Variants in EYA3 observed in about 807,000 individuals in gnomAD.
The protein encoded by EYA3 is EYA transcriptional coactivator and phosphatase 3.
Under a neutral mutation model 80.0 loss-of-function variants are expected in EYA3, and 39 were observed. That is an observed-to-expected ratio of 0.49 (90% CI 0.38 to 0.64). The LOEUF (loss-of-function observed/expected upper bound fraction) is 0.64, where lower values mean the gene tolerates loss of function less well. Ranked by LOEUF, EYA3 falls within the 30% of genes least tolerant of loss-of-function variation. The pLI is 0.00. For missense variants in EYA3, 523 were observed against 676.1 expected, an observed-to-expected ratio of 0.77 and a Z score of 2.51; for synonymous variants, 206 against 232.8, an observed-to-expected ratio of 0.88 and a Z score of 1.05.
intron 2 of EYA3, among the ~76,000 whole-genome samples, chr1:28,049,704 T>C (rs1644167623): frequency 6.6e-6 from 1 of 152,184 alleles, no homozygotes; most frequent in Non-Finnish European, 1.5e-5. Flanking sequence ...GAGGGAAATA[T>C]GATCTGACCT....
chr1:28,065,942 G>A lies in EYA3; in HGVS notation c.-68-7848C>T, dbSNP rs369327961. The stretch of plus-strand genomic sequence containing the variant: ...TGCTTGAACCAGGACCCGGGAGGCG[G>A]AGGTTGCAGTGAGCTGAGATCACGC... On this transcript the variant is annotated intron_variant, in intron 1 of 17. Coordinates refer to ENST00000373871, the MANE Select transcript of EYA3 (RefSeq NM_001990.4). 1.8e-4 allele frequency among the ~76,000 whole-genome samples: 27 copies of A among 151,926 alleles called. No homozygotes were observed. In the South Asian group the frequency reaches 5.4e-3, roughly 30 times the overall value.
intron 10 of EYA3, among the ~76,000 whole-genome samples, chr1:28,005,477 C>A (rs1407007151): frequency 1.3e-5 from 2 of 152,098 alleles, no homozygotes; most frequent in Non-Finnish European, 2.9e-5. Flanking sequence ...ACTGTGAGAG[C>A]CTGAAGCAGG....
At position 27,988,607 on chromosome 1, in the gene EYA3, G is replaced by T; in HGVS notation, c.1468C>A (p.Leu490Met). The change falls in exon 16 of 18, where the codon CTG (leucine) becomes ATG (methionine). Residue 490 changes from leucine (L) to methionine (M), a missense_variant. Physicochemically the swap from Leu to Met is conservative, Grantham distance 15 (BLOSUM62 2). Around this residue, in one of 2 missense-constraint regions of EYA3, gnomAD observed 219 missense variants for 332.8 expected, o/e 0.66. Coordinates refer to ENST00000373871, the MANE Select transcript of EYA3 (RefSeq NM_001990.4). ...AGTCCATATAGGAGAACCTTGGCCA[G>T]GGCTGGAACCAGCTGGGTGGTAGTG... ...LITTTQLVPA[L>M]AKVLLYGLGE... 1.2e-6 allele frequency: 2 copies of T among 1,614,148 alleles called. No homozygotes were observed. The highest frequency in any genetic ancestry group is 1.7e-6 in the Non-Finnish European group (2 of 1,180,014).
chr1:28,033,694 G>A (rs955306457), intron 6 of EYA3, among the ~76,000 whole-genome samples: 13 of 146,858 alleles, frequency 8.9e-5, no homozygotes, highest in South Asian at 2.1e-4. Context: ...TTGCTCTGTC[G>A]CCCAGGCTGG....
At chr1:27,999,779 T>C (rs1051580783) in intron 12 of EYA3, among the ~76,000 whole-genome samples, 181 bp downstream of exon 12, 1 of 152,208 alleles carries the variant, frequency 6.6e-6, no homozygotes, top group Admixed American at 6.5e-5. Context: ...GAACCAAAAC[T>C]GTGGTGACCC....
At chr1:28,077,648 C>A (rs1645271157) in intron 1 of EYA3, among the ~76,000 whole-genome samples, 1 of 151,488 alleles carries the variant, frequency 6.6e-6, no homozygotes, top group African/African-American at 2.4e-5. Context: ...GAAAAAAAAA[C>A]AAGAAATCAA....
intron 1 of EYA3, among the ~76,000 whole-genome samples, chr1:28,065,200 T>C (rs1644787343): frequency 6.6e-6 from 1 of 152,220 alleles, no homozygotes. Context: ...GTTTGAGGTG[T>C]GACAGAAAAA....
chr1:28,079,340 T>G (rs112374368), intron 1 of EYA3, among the ~76,000 whole-genome samples: 2,380 of 152,336 alleles, frequency 0.016, 45 homozygotes, highest in Middle Eastern at 0.051. Flanking sequence ...AAACCCTAAT[T>G]ACTCTTCAGT....
At chr1:28,062,656 A>AGGTGTGTG (rs1553155530) in intron 1 of EYA3, among the ~76,000 whole-genome samples, 1 of 94,434 alleles carries the variant, frequency 1.1e-5, no homozygotes, top group Non-Finnish European at 2.4e-5. Context: ...AAATATATGT[A>AGGTGTGTG]GGTGTGTGTG....
intron 7 of EYA3, among the ~76,000 whole-genome samples, chr1:28,024,648 C>T (rs1156427495): frequency 1.3e-5 from 2 of 152,092 alleles, no homozygotes; most frequent in African/African-American, 4.8e-5. Flanking sequence ...CAGAGCAAGA[C>T]TCAGTCTCAA....
At chr1:28,002,415 A>G (rs925436274) in intron 11 of EYA3, among the ~76,000 whole-genome samples, 2 of 150,614 alleles carry the variant, frequency 1.3e-5, no homozygotes, top group Non-Finnish European at 3.0e-5. Flanking sequence ...GTCTTATTTT[A>G]TAAATATATA....
chr1:28,030,756 A>C (rs1643094963), intron 6 of EYA3, among the ~76,000 whole-genome samples: 1 of 152,234 alleles, frequency 6.6e-6, no homozygotes, highest in Non-Finnish European at 1.5e-5. Flanking sequence ...TGTCCAGATT[A>C]GCCATAATTA....
At position 28,004,332 on chromosome 1, in the gene EYA3, T is replaced by C. The variant is rs939622985; in HGVS notation, c.993+4A>G. ...ACAGTTACAACAAAGAAGACTCAAA[T>C]TACCTTTCCATATTTCTGGGCATAG... On this transcript the variant is annotated splice_donor_region_variant and intron_variant, in intron 11 of 17. Coordinates refer to ENST00000373871, the MANE Select transcript of EYA3 (RefSeq NM_001990.4). The C allele has an allele frequency of 6.3e-7, 1 of 1,594,938 alleles. No homozygotes were observed. The highest frequency in any genetic ancestry group is 1.3e-5 in the African/African-American group (1 of 74,798).
Position 28,004,433 on chromosome 1 carries a change from A to G in EYA3, c.910-14T>C. ...CAGAAATACCCGCTGAGGAAAGAAA[A>G]TATAAAAAATGAGTATATTTTCCAA... On this transcript the variant is annotated splice_polypyrimidine_tract_variant and intron_variant, in intron 10 of 17. Coordinates refer to ENST00000373871, the MANE Select transcript of EYA3 (RefSeq NM_001990.4). 6.3e-7 allele frequency: 1 copy of G among 1,588,750 alleles called. No individual in the cohort carries two copies. Among genetic ancestry groups the G allele is most frequent in the Non-Finnish European group, 8.6e-7 (1 of 1,160,128 alleles).
intron 1 of EYA3, among the ~76,000 whole-genome samples, chr1:28,078,433 A>C (rs985695097): frequency 1.3e-5 from 2 of 152,122 alleles, no homozygotes; most frequent in Non-Finnish European, 2.9e-5. Context: ...AGTCACAAAC[A>C]CTCTCAGGAG....
chr1:27,974,561 G>A lies in EYA3; in HGVS notation c.1642-15C>T, dbSNP rs865881933. 3 of 1,608,160 alleles carry A rather than the reference G, an allele frequency of 1.9e-6. No individual in the cohort carries two copies. The Middle Eastern group carries it at 5.0e-4, about 267-fold the overall frequency. ...GGCATGTTGTGCTGGAAGAGAGTGG[G>A]AATAGCTGGTTAATCCAACTTCTTC... On this transcript the variant is annotated splice_polypyrimidine_tract_variant and intron_variant, in intron 17 of 17. Coordinates refer to ENST00000373871, the MANE Select transcript of EYA3 (RefSeq NM_001990.4).
intron 2 of EYA3, among the ~76,000 whole-genome samples, chr1:28,052,890 G>A (rs998673562): frequency 6.6e-6 from 1 of 152,022 alleles, no homozygotes; most frequent in Non-Finnish European, 1.5e-5. Context: ...GCAGTGAGCC[G>A]AGATAGTGAC....
chr1:28,017,303 A>C, intron 7 of EYA3, 64 bp from the exon 8 acceptor site: 1 of 1,222,130 alleles, frequency 8.2e-7, no homozygotes, highest in Non-Finnish European at 1.2e-6. Flanking sequence ...AGAAACTGAA[A>C]ATAGATGTGT....
chr1:27,976,151 T>C (rs1324246879), intron 17 of EYA3, among the ~76,000 whole-genome samples: 1 of 152,184 alleles, frequency 6.6e-6, no homozygotes, highest in Non-Finnish European at 1.5e-5. Flanking sequence ...GAAACCGACT[T>C]GTTATGTTCA....
Sources: gnomAD v4.1 joint callset for allele counts (sites outside exome capture counted in the v4.1 genomes callset) on GRCh38, gnomAD v4.1.1 for gene constraint, gnomAD v4.1.1 regional missense constraint, MANE v1.5 for transcripts, NCBI Gene and HGNC (gene_info 2026-07-23, HGNC 2026-07-21) for gene names.